ATP6V0A1: variants seen among roughly 807,000 people sequenced by gnomAD.
The protein encoded by ATP6V0A1 is V-type proton ATPase 116 kDa subunit a 1.
Under a neutral mutation model 105.4 loss-of-function variants are expected in ATP6V0A1, and 43 were observed. The observed-to-expected ratio is 0.41, with a 90% CI of 0.32 to 0.53. The LOEUF (loss-of-function observed/expected upper bound fraction) is 0.53, where lower values mean the gene tolerates loss of function less well. ATP6V0A1 is among the 20% of genes least tolerant of loss of function. ATP6V0A1 has a pLI of 0.30. For synonymous variants in ATP6V0A1, 362 were observed against 372.8 expected (o/e 0.97, Z 0.33); for missense variants, 676 against 1,051.1 (o/e 0.64, Z 4.93).
intron 21 of ATP6V0A1, chr17:42,520,222 T>C: frequency 2.8e-6 from 1 of 354,268 alleles, no homozygotes; most frequent in South Asian, 2.2e-5. Context: ...TTTTATCCCC[T>C]GAATCATGCA....
chr17:42,477,242 T>G (rs1349563574), intron 5 of ATP6V0A1, among the ~76,000 whole-genome samples: 1 of 152,192 alleles, frequency 6.6e-6, no homozygotes, highest in Non-Finnish European at 1.5e-5. Flanking sequence ...AGTCTCTTCA[T>G]TATTGCACAG....
At chr17:42,512,388 G>A (rs1242048337) in intron 19 of ATP6V0A1, among the ~76,000 whole-genome samples, 1 of 152,210 alleles carries the variant, frequency 6.6e-6, no homozygotes, top group Admixed American at 6.5e-5. Flanking sequence ...GCCCATAGGA[G>A]TAGAGATCAG....
At chr17:42,460,742 C>T (rs2086306493) in intron 1 of ATP6V0A1, 106 bp from the exon 2 acceptor site, 2 of 639,442 alleles carry the variant, frequency 3.1e-6, no homozygotes, top group African/African-American at 1.8e-5. Flanking sequence ...GTTGACCTGT[C>T]CTCATGGGGT....
At chr17:42,504,291 C>A (rs1352621508) in intron 17 of ATP6V0A1, among the ~76,000 whole-genome samples, 1 of 152,164 alleles carries the variant, frequency 6.6e-6, no homozygotes, top group African/African-American at 2.4e-5. Flanking sequence ...TTTTTCTTTT[C>A]TTTTTTCTGC....
intron 11 of ATP6V0A1, among the ~76,000 whole-genome samples, chr17:42,493,583 G>T (rs1415831939): frequency 6.6e-6 from 1 of 151,994 alleles, no homozygotes; most frequent in South Asian, 2.1e-4. Context: ...ATTGCTCAAG[G>T]CCACAAGTTC....
chr17:42,480,505 G>A (rs972394401), intron 7 of ATP6V0A1, 162 bp from the exon 8 acceptor site: 18 of 578,020 alleles, frequency 3.1e-5, no homozygotes, highest in Middle Eastern at 9.3e-4. Flanking sequence ...TGTTCTTGTA[G>A]TGAAGCTTAG....
chr17:42,477,601 A>G, intron 5 of ATP6V0A1, 59 bp from the exon 6 acceptor site: 1 of 1,581,302 alleles, frequency 6.3e-7, no homozygotes, highest in Non-Finnish European at 8.7e-7. Flanking sequence ...CATGCCACTA[A>G]CTATTTTCAT....
chr17:42,470,463 A>T (rs1173493420), intron 5 of ATP6V0A1: 1 of 389,672 alleles, frequency 2.6e-6, no homozygotes, highest in Non-Finnish European at 4.8e-6. Flanking sequence ...AAGAACCCTG[A>T]AGTAGTTGTA....
At chr17:42,520,901 G>T in intron 21 of ATP6V0A1, 126 bp from the exon 22 acceptor site, 1 of 814,022 alleles carries the variant, frequency 1.2e-6, no homozygotes, top group Non-Finnish European at 2.0e-6. Context: ...GCTTTCTCTA[G>T]CTTCCCCAGG....
rs533572763 is a variant in ATP6V0A1, at chr17:42,521,289, T to C, written c.*169T>C. 1 of 501,092 alleles carries C rather than the reference T, an allele frequency of 2.0e-6. No individual in the cohort carries two copies. The highest frequency in any genetic ancestry group is 2.0e-5 in the African/African-American group (1 of 49,872). The allele number at this position is 501,092 out of a possible 1,614,324, so 31.0% of individuals were successfully genotyped here. A position where few individuals can be genotyped will look rare whatever the true frequency, so the allele number is the denominator to read the frequency against. ...TCCTCCTTGGGTCTCCCACCACCCC[T>C]AGCTTTGTGTGTAGTGTAGTGATTT... is the stretch of plus-strand genomic sequence containing the variant. On this transcript the variant is annotated 3_prime_UTR_variant, in exon 22 of 22. Transcript: ENST00000343619. This position sits in a 1 kb window ranked among gnomAD's most constrained non-coding sequence, Gnocchi z 4.8.
At chr17:42,483,157 GT>G in intron 9 of ATP6V0A1, 26 bp downstream of exon 9, 1 of 1,447,442 alleles carries the variant, frequency 6.9e-7, no homozygotes, top group Non-Finnish European at 9.2e-7. Context: ...GAGGGAATTT[GT>G]TTTTGTGAAA....
Position 42,514,275 on chromosome 17 carries a change from C to T in ATP6V0A1, c.2249-14C>T. On this transcript the variant is annotated splice_polypyrimidine_tract_variant and intron_variant, in intron 20 of 21. Transcript: ENST00000343619. ...TGCCAAACTGCACTGGATTTTGTGT[C>T]TCCCATTCCCCAGAGCTGTCTGAGG... 3 of 1,563,250 alleles carry T rather than the reference C, an allele frequency of 1.9e-6. No individual in the cohort carries two copies. The highest frequency in any genetic ancestry group is 2.6e-6 in the Non-Finnish European group (3 of 1,154,538).
intron 14 of ATP6V0A1, 112 bp downstream of exon 14, chr17:42,495,828 G>C (rs1013436807): frequency 1.1e-6 from 1 of 931,732 alleles, no homozygotes; most frequent in African/African-American, 1.6e-5. Flanking sequence ...GGGCATGGTC[G>C]CTCATGCCTG....
intron 17 of ATP6V0A1, among the ~76,000 whole-genome samples, chr17:42,502,348 C>T (rs1030188121): frequency 2.0e-5 from 3 of 152,186 alleles, no homozygotes; most frequent in Admixed American, 1.3e-4. Flanking sequence ...GAGACATTTT[C>T]CTTTCAAATG....
At chr17:42,463,914 A>G (rs555076898) in intron 2 of ATP6V0A1, among the ~76,000 whole-genome samples, 3 of 152,360 alleles carry the variant, frequency 2.0e-5, no homozygotes, top group South Asian at 4.1e-4. Flanking sequence ...TAAGAAAATC[A>G]TAAGGAAGAT....
chr17:42,483,956 G>A (rs1028017684), intron 9 of ATP6V0A1, among the ~76,000 whole-genome samples: 3 of 152,216 alleles, frequency 2.0e-5, no homozygotes, highest in Non-Finnish European at 4.4e-5. Context: ...GACCTCAAGT[G>A]ATCCACCTGC....
intron 8 of ATP6V0A1, chr17:42,480,962 C>T: frequency 2.5e-6 from 1 of 396,418 alleles, no homozygotes; most frequent in Non-Finnish European, 4.5e-6. Context: ...CACTCTGTTG[C>T]CCAGGCTGGA....
chr17:42,515,293 C>T (rs1202721607), intron 21 of ATP6V0A1, among the ~76,000 whole-genome samples: 1 of 143,906 alleles, frequency 6.9e-6, no homozygotes, highest in African/African-American at 2.6e-5. Flanking sequence ...ATGGTAAAAC[C>T]CCGTCTCTAC....
chr17:42,505,451 G>A (rs1365455932), intron 17 of ATP6V0A1, among the ~76,000 whole-genome samples: 1 of 151,316 alleles, frequency 6.6e-6, no homozygotes, highest in Non-Finnish European at 1.5e-5. Flanking sequence ...TGATCCACCT[G>A]CCTCAGGCTC....
Sources: gnomAD v4.1 joint callset for allele counts (sites outside exome capture counted in the v4.1 genomes callset) on GRCh38, gnomAD v4.1.1 for gene constraint, Gnocchi (gnomAD v3.1) non-coding constraint, MANE v1.5 for transcripts, NCBI Gene and HGNC (gene_info 2026-07-23, HGNC 2026-07-21) for gene names.